Variants in ZZEF1 observed in about 807,000 individuals in gnomAD.
ZZEF1 encodes zinc finger ZZ-type and EF-hand domain-containing protein 1.
In ZZEF1, 157 loss-of-function variants were observed where a neutral mutation model predicts 342.8. The observed-to-expected ratio is 0.46, with a 90% CI of 0.40 to 0.52. ZZEF1 has a LOEUF of 0.52. ZZEF1 is among the 20% of genes least tolerant of loss of function. The pLI is 0.00. For synonymous variants in ZZEF1, 1,505 were observed against 1,429.1 expected (o/e 1.05, Z -1.20); for missense variants, 3,480 against 3,725.6 (o/e 0.93, Z 1.72).
At chr17:4,094,077 T>A (rs1404529489) in intron 11 of ZZEF1, among the ~76,000 whole-genome samples, 1 of 152,174 alleles carries the variant, frequency 6.6e-6, no homozygotes, top group Non-Finnish European at 1.5e-5. Flanking sequence ...TGTCTCATGT[T>A]GACCTAAGTT....
Position 4,022,811 on chromosome 17 carries a change from C to T in ZZEF1, c.7110G>A (p.Glu2370=). The T allele has an allele frequency of 6.2e-7, 1 of 1,613,784 alleles. No individual in the cohort carries two copies. The highest frequency in any genetic ancestry group is 1.1e-5 in the South Asian group (1 of 91,070). ...CGGTCTGAAGGAAAGTAGCACGGATCTCCTCAAAACCGTGAGCCTGCCAAG... is the reference window on the plus strand; with the variant it reads ...CGGTCTGAAGGAAAGTAGCACGGATTTCCTCAAAACCGTGAGCCTGCCAAG... The part of the protein sequence containing the change: ...YKTLKAHGFE[E]IRATFLQTDL... Residue 2370 remains glutamate (E), a synonymous_variant, in exon 44 of 55, where the codon GAG becomes GAA. Transcript: ENST00000381638.
intron 39 of ZZEF1, among the ~76,000 whole-genome samples, chr17:4,034,751 C>G (rs1222686703): frequency 1.3e-5 from 2 of 152,176 alleles, no homozygotes; most frequent in African/African-American, 4.8e-5. Flanking sequence ...AATCCCAGCA[C>G]TCTGGGAGGC....
chr17:4,136,400 C>G (rs963469630), intron 1 of ZZEF1, among the ~76,000 whole-genome samples: 4 of 151,530 alleles, frequency 2.6e-5, no homozygotes, highest in African/African-American at 9.7e-5. Flanking sequence ...GAACTACAAC[C>G]ATAGAAAACA....
intron 25 of ZZEF1, 65 bp downstream of exon 25, chr17:4,072,543 T>C (rs1464912255): frequency 6.6e-7 from 1 of 1,514,888 alleles, no homozygotes; most frequent in Non-Finnish European, 8.9e-7. Flanking sequence ...TGTTTATAAC[T>C]TAAAGTAATA....
chr17:4,111,748 TTA>T (rs1240942399), intron 5 of ZZEF1, among the ~76,000 whole-genome samples: 3 of 129,648 alleles, frequency 2.3e-5, no homozygotes, highest in East Asian at 2.1e-4. Context: ...AAAACATATT[TTA>T]TATATATGTT....
chr17:4,142,651 C>G lies in ZZEF1; in HGVS notation c.245G>C (p.Arg82Pro). 8 of 1,607,256 alleles carry G rather than the reference C, an allele frequency of 5.0e-6. No homozygotes were observed. Among genetic ancestry groups the G allele is most frequent in the Non-Finnish European group, 6.8e-6 (8 of 1,179,710 alleles). Residue 82 changes from arginine (R) to proline (P), a missense_variant, in exon 1 of 55, where the codon CGC (arginine) becomes CCC (proline). This residue lies in a region of ZZEF1 where 416 missense variants were observed against 374.2 expected (regional missense o/e 1.11). Transcript: ENST00000381638. ...LVSRHRGALF[R>P]WLEERLGRGE... Reference sequence around the variant, plus strand: ...GCGGCCCAGCCGCTCTTCCAGCCAGCGAAACAACGCGCCGCGATGCCTCGA... The same window carrying G: ...GCGGCCCAGCCGCTCTTCCAGCCAGGGAAACAACGCGCCGCGATGCCTCGA...
At chr17:4,102,077 G>C (rs1431469085) in intron 9 of ZZEF1, among the ~76,000 whole-genome samples, 1 of 152,136 alleles carries the variant, frequency 6.6e-6, no homozygotes, top group African/African-American at 2.4e-5. Context: ...TATATTCCAA[G>C]AGAAAGAATC....
intron 6 of ZZEF1, among the ~76,000 whole-genome samples, chr17:4,107,680 C>A (rs2058233960): frequency 6.6e-6 from 1 of 152,154 alleles, no homozygotes; most frequent in Admixed American, 6.5e-5. Context: ...TAGAGGCGAA[C>A]TGAGTAAGTA....
intron 1 of ZZEF1, among the ~76,000 whole-genome samples, chr17:4,140,907 T>C (rs973674315): frequency 4.3e-5 from 5 of 117,454 alleles, no homozygotes; most frequent in Admixed American, 2.3e-4. Flanking sequence ...CTAACTAATA[T>C]GACTTTTTTT....
chr17:4,057,646 C>T (rs1007809097), intron 32 of ZZEF1, among the ~76,000 whole-genome samples: 2 of 152,148 alleles, frequency 1.3e-5, no homozygotes, highest in African/African-American at 4.8e-5. Flanking sequence ...CTAAGATCAC[C>T]AAAATGCAGA....
chr17:4,049,885 G>T, intron 36 of ZZEF1, 26 bp from the exon 37 acceptor site: 1 of 1,606,888 alleles, frequency 6.2e-7, no homozygotes, highest in Non-Finnish European at 8.5e-7. Flanking sequence ...ATCAGAGAAT[G>T]GTTAGAAGTT....
rs780948193 is a variant in ZZEF1 at position 4,021,350 on chromosome 17, G to A, written c.7213-30C>T. On this transcript the variant is annotated intron_variant, in intron 44 of 54. Transcript: ENST00000381638. ...ACAGAAAGAAAATCCAGCTGAATGT[G>A]AGCACTCAGTGGGCGGGAAGATGGT... The A allele has an allele frequency of 5.1e-6, 8 of 1,563,610 alleles. No homozygotes were observed. The Admixed American group carries it at 1.4e-4, about 28-fold the overall frequency.
intron 1 of ZZEF1, among the ~76,000 whole-genome samples, chr17:4,138,988 C>T (rs1349213214): frequency 1.4e-5 from 2 of 148,068 alleles, no homozygotes; most frequent in Non-Finnish European, 3.0e-5. Context: ...CCAAGAACTT[C>T]TTTATAACAC....
At chr17:4,142,441 G>GCCTCTCCATAT in intron 1 of ZZEF1, 101 bp downstream of exon 1, 1 of 1,257,106 alleles carries the variant, frequency 8.0e-7, no homozygotes. Context: ...ACCTCATATG[G>GCCTCTCCATAT]GTCCCCGCCT....
Position 4,095,953 on chromosome 17 carries a change from C to T in ZZEF1, c.1791G>A (p.Gln597=). Residue 597 remains glutamine (Q), a synonymous_variant, in exon 11 of 55, where the codon CAG becomes CAA. Coordinates refer to ENST00000381638, the MANE Select transcript of ZZEF1 (RefSeq NM_015113.4). ...AGTTATAGGCAAACACCAACCCACA[C>T]TGGGCACCAATGCCACCACGTCGAA... The part of the protein sequence containing the change: ...IMVRRGGIGA[Q]CGLVFAYNSS... The T allele has an allele frequency of 2.5e-6, 4 of 1,612,326 alleles. No individual in the cohort carries two copies. The highest frequency in any genetic ancestry group is 3.4e-6 in the Non-Finnish European group (4 of 1,178,842).
At chr17:4,087,825 C>CACACACA (rs1016601880) in intron 13 of ZZEF1, among the ~76,000 whole-genome samples, 61 of 140,386 alleles carry the variant, frequency 4.3e-4, no homozygotes, top group African/African-American at 1.5e-3. Context: ...CACACACACA[C>CACACACA]ATCCATGAAC....
At chr17:4,087,261 A>C (rs1313619101) in intron 14 of ZZEF1, among the ~76,000 whole-genome samples, 173 bp downstream of exon 14, 1 of 152,204 alleles carries the variant, frequency 6.6e-6, no homozygotes, top group African/African-American at 2.4e-5. Context: ...CTACTGCCTA[A>C]ATATTTTATA....
chr17:4,106,218 T>G (rs1225576240), intron 6 of ZZEF1, among the ~76,000 whole-genome samples: 1 of 152,194 alleles, frequency 6.6e-6, no homozygotes, highest in Non-Finnish European at 1.5e-5. Flanking sequence ...AGTGCTATGA[T>G]TACAGGTGTA....
chr17:4,142,463 A>G, intron 1 of ZZEF1, 79 bp downstream of exon 1: 5 of 1,481,758 alleles, frequency 3.4e-6, no homozygotes, highest in Non-Finnish European at 4.5e-6. Context: ...GCCTCTCCAA[A>G]GCAAATGCCC....
Sources: allele counts gnomAD v4.1 joint callset (sites outside exome capture counted in the v4.1 genomes callset), GRCh38; gene constraint gnomAD v4.1.1; regional missense constraint gnomAD v4.1.1; transcripts MANE v1.5; gene names NCBI Gene and HGNC (gene_info 2026-07-23, HGNC 2026-07-21).